The following PCNX1 variants were observed in gnomAD, a reference collection of about 807,000 sequenced individuals.
PCNX1 encodes the protein pecanex-like protein 1.
PCNX1 carries 78 observed loss-of-function variants against 242.2 expected under a neutral mutation model. That is an observed-to-expected ratio of 0.32 (90% CI 0.27 to 0.39). The LOEUF (loss-of-function observed/expected upper bound fraction) is 0.39. Among genes scored for constraint, PCNX1 ranks in the 10% least tolerant of loss-of-function variants. PCNX1 has a pLI of 1.00. For synonymous variants in PCNX1, 1,024 were observed against 1,032.9 expected (o/e 0.99, Z 0.17); for missense variants, 2,581 against 2,856.5 (o/e 0.90, Z 2.20).
Position 70,946,992 on chromosome 14 carries a change from C to A in PCNX1, c.231C>A (p.Val77=). The part of the protein sequence containing the change: ...IAAVFIVLKM[V]NYRLHRALDA... ...CTGTTTTCATTGTTCTGAAGATGGTCAACTATCGACTACACAGAGCACTTG... is the reference window on the plus strand; with the variant it reads ...CTGTTTTCATTGTTCTGAAGATGGTAAACTATCGACTACACAGAGCACTTG... The change falls in exon 2 of 36, where the codon GTC becomes GTA. Residue 77 remains valine, a synonymous_variant. Transcript: ENST00000304743. 1 of 1,613,656 alleles carries A rather than the reference C, an allele frequency of 6.2e-7. No individual in the cohort carries two copies. Among genetic ancestry groups the A allele is most frequent in the South Asian group, 1.1e-5 (1 of 91,028 alleles).
chr14:70,909,690 A>G (rs1214210540), intron 1 of PCNX1, among the ~76,000 whole-genome samples: 1 of 152,232 alleles, frequency 6.6e-6, no homozygotes, highest in Non-Finnish European at 1.5e-5. Flanking sequence ...AATGGAAACC[A>G]GGACATTGAG....
intron 33 of PCNX1, among the ~76,000 whole-genome samples, chr14:71,108,258 C>T (rs2141896270): frequency 6.6e-6 from 1 of 152,236 alleles, no homozygotes; most frequent in Middle Eastern, 3.4e-3. Flanking sequence ...TGGAAGTATT[C>T]TTGTTATTTT....
chr14:71,016,598 A>G (rs370139714), intron 11 of PCNX1, among the ~76,000 whole-genome samples: 1 of 152,226 alleles, frequency 6.6e-6, no homozygotes, highest in African/African-American at 2.4e-5. Context: ...GAAAATTCCC[A>G]AATATTTGGA....
At chr14:70,974,244 GTTT>G (rs1202073692) in intron 5 of PCNX1, among the ~76,000 whole-genome samples, 2 of 117,236 alleles carry the variant, frequency 1.7e-5, no homozygotes, top group African/African-American at 3.1e-5. Flanking sequence ...TTTTTTTGTT[GTTT>G]TTTTTTTTTT....
intron 19 of PCNX1, among the ~76,000 whole-genome samples, chr14:71,039,049 A>G (rs2060629390): frequency 1.3e-5 from 2 of 151,682 alleles, no homozygotes; most frequent in Non-Finnish European, 2.9e-5. Flanking sequence ...AGGAAGGGGA[A>G]CATCACACTC....
chr14:71,047,588 C>T, intron 21 of PCNX1, among the ~76,000 whole-genome samples: 1 of 151,974 alleles, frequency 6.6e-6, no homozygotes, highest in East Asian at 1.9e-4. Context: ...AAACATAGTC[C>T]TTCATATAAA....
chr14:70,980,300 T>TA (rs2058801066), intron 6 of PCNX1, among the ~76,000 whole-genome samples: 1 of 152,090 alleles, frequency 6.6e-6, no homozygotes, highest in Non-Finnish European at 1.5e-5. Context: ...CTCGGTGCTG[T>TA]TCTTTAAGCT....
intron 7 of PCNX1, among the ~76,000 whole-genome samples, chr14:70,994,396 G>GATAGATAGATATATATAT (rs1555357306): frequency 1.0e-5 from 1 of 96,956 alleles, no homozygotes; most frequent in African/African-American, 3.8e-5. Flanking sequence ...ACAGGCTTAA[G>GATAGATAGATATATATAT]ATATATATAT....
intron 24 of PCNX1, among the ~76,000 whole-genome samples, chr14:71,053,964 A>G (rs904929255): frequency 1.6e-4 from 25 of 152,140 alleles, no homozygotes; most frequent in Non-Finnish European, 1.5e-5. Context: ...GCTGAAAAAA[A>G]AAATTCACCT....
intron 8 of PCNX1, among the ~76,000 whole-genome samples, chr14:71,006,996 T>A (rs2059686899): frequency 6.6e-6 from 1 of 152,158 alleles, no homozygotes; most frequent in Non-Finnish European, 1.5e-5. Context: ...CAAAAGCCTC[T>A]TAAGGAAAAA....
chr14:70,982,808 C>T (rs1033024162), intron 6 of PCNX1, among the ~76,000 whole-genome samples: 11 of 152,124 alleles, frequency 7.2e-5, no homozygotes, highest in African/African-American at 2.7e-4. Context: ...TTCTGGGAAT[C>T]CAACGGTTAC....
At chr14:71,045,093 AAATCACTCCT>A in intron 19 of PCNX1, 30 bp from the exon 20 acceptor site, 1 of 1,431,904 alleles carries the variant, frequency 7.0e-7, no homozygotes, top group South Asian at 1.4e-5. Flanking sequence ...ATGAGTCTCA[AAATCACTCCT>A]AATTTTATCA....
intron 5 of PCNX1, among the ~76,000 whole-genome samples, chr14:70,971,624 A>G (rs1178531640): frequency 6.6e-6 from 1 of 152,216 alleles, no homozygotes; most frequent in Non-Finnish European, 1.5e-5. Flanking sequence ...ACTGGTAGCA[A>G]TCAACATATA....
chr14:70,997,422 C>G (rs2059384956), intron 8 of PCNX1, among the ~76,000 whole-genome samples: 1 of 152,104 alleles, frequency 6.6e-6, no homozygotes, highest in Non-Finnish European at 1.5e-5. Context: ...CATAAGAATT[C>G]TTAGTTTGCT....
chr14:71,002,417 A>G (rs1450378848), intron 8 of PCNX1, among the ~76,000 whole-genome samples: 3 of 152,202 alleles, frequency 2.0e-5, no homozygotes, highest in Non-Finnish European at 4.4e-5. Context: ...AATGTATACA[A>G]TTCAAGGAGT....
At chr14:70,969,137 G>T (rs895721209) in intron 5 of PCNX1, 27 bp downstream of exon 5, 2 of 1,304,106 alleles carry the variant, frequency 1.5e-6, no homozygotes, top group African/African-American at 2.9e-5. Flanking sequence ...TTACCATGAT[G>T]TCATATACTG....
intron 17 of PCNX1, 63 bp from the exon 18 acceptor site, chr14:71,033,868 C>A: frequency 1.2e-6 from 1 of 841,600 alleles, no homozygotes; most frequent in South Asian, 1.5e-5. Flanking sequence ...ACTTCATTGC[C>A]CGTTTGAATT....
At position 71,108,931 on chromosome 14, in the gene PCNX1, G is replaced by A; in HGVS notation, c.6629G>A (p.Gly2210Asp). The change falls in exon 34 of 36, where the codon GGC becomes GAC. Residue 2210 changes from glycine (G) to aspartate (D), a missense_variant. Physicochemically the swap from Gly to Asp is moderately conservative, Grantham distance 94. Transcript: ENST00000304743. ...GCCTGCAAACATCACACTCTCGTGG[G>A]CTTTCTTGCGACAGAGGGAGGTCAG... ...IPACKHHTLVGFLATEGGQSS... is the reference protein window; with the variant it reads ...IPACKHHTLVDFLATEGGQSS... 1 of 1,614,186 alleles carries A rather than the reference G, an allele frequency of 6.2e-7. No individual in the cohort carries two copies.
At position 71,033,508 on chromosome 14, in the gene PCNX1, G is replaced by A. The variant is rs1465748564; in HGVS notation, c.3638G>A (p.Ser1213Asn). 2 of 1,598,496 alleles carry A rather than the reference G, an allele frequency of 1.3e-6. No homozygotes were observed. The highest frequency in any genetic ancestry group is 1.7e-4 in the Middle Eastern group (1 of 6,030). Residue 1213 changes from serine (S) to asparagine (N), a missense_variant, in exon 17 of 36, where the codon AGC becomes AAC. Ser to Asn is a conservative substitution (Grantham distance 46, BLOSUM62 1). Around this residue, in one of 9 missense-constraint regions of PCNX1, gnomAD observed 432 missense variants for 443.1 expected, o/e 0.97. Transcript: ENST00000304743. Reference sequence around the variant, plus strand: ...TTAGTGGCAGTGTCTTACCATCTCAGCCGACAAAGCAGTGATCCATCTGTA... The same window carrying A: ...TTAGTGGCAGTGTCTTACCATCTCAACCGACAAAGCAGTGATCCATCTGTA... ...GLLVAVSYHL[S>N]RQSSDPSVLF... is the part of the protein sequence containing the mutation.
Sources: allele counts gnomAD v4.1 joint callset (sites outside exome capture counted in the v4.1 genomes callset), GRCh38; gene constraint gnomAD v4.1.1; regional missense constraint gnomAD v4.1.1; transcripts MANE v1.5; gene names NCBI Gene and HGNC (gene_info 2026-07-23, HGNC 2026-07-21).